The following CTNND2 variants were observed in gnomAD, a reference collection of about 807,000 sequenced individuals.
CTNND2 encodes the protein catenin delta-2.
Under a neutral mutation model 144.4 loss-of-function variants are expected in CTNND2, and 22 were observed. The ratio of observed to expected loss-of-function variants is 0.15; its 90% CI spans 0.11 to 0.22. The LOEUF is 0.22. Among genes scored for constraint, CTNND2 ranks in the 10% least tolerant of loss-of-function variants. The pLI is 1.00. For missense variants in CTNND2, 1,353 were observed against 1,618.8 expected (o/e 0.84, Z 2.82); for synonymous variants, 751 against 695.6 (o/e 1.08, Z -1.25).
intron 1 of CTNND2, among the ~76,000 whole-genome samples, chr5:11,832,411 C>G (rs376295242): frequency 1.1e-3 from 167 of 152,040 alleles, no homozygotes; most frequent in African/African-American, 3.9e-3. Flanking sequence ...AGACTTGTAT[C>G]CAGGAGCTAG....
chr5:11,441,405 T>C (rs913179787), intron 3 of CTNND2, among the ~76,000 whole-genome samples: 1 of 145,418 alleles, frequency 6.9e-6, no homozygotes, highest in African/African-American at 2.6e-5. Context: ...TAAAGACAGA[T>C]TCTCACTTTG....
intron 3 of CTNND2, among the ~76,000 whole-genome samples, chr5:11,436,560 G>T (rs1763794554): frequency 6.6e-6 from 1 of 152,144 alleles, no homozygotes; most frequent in Non-Finnish European, 1.5e-5. Context: ...TCCGCAAACT[G>T]CCATGGTTAG....
intron 1 of CTNND2, among the ~76,000 whole-genome samples, chr5:11,875,755 C>A (rs1042734511): frequency 7.2e-5 from 11 of 152,148 alleles, no homozygotes; most frequent in African/African-American, 2.2e-4. Flanking sequence ...GTTTATAAGT[C>A]ACCCAGACTA....
intron 1 of CTNND2, among the ~76,000 whole-genome samples, chr5:11,744,654 G>T (rs1788201190): frequency 6.6e-6 from 1 of 151,256 alleles, no homozygotes; most frequent in Admixed American, 6.6e-5. Context: ...GCTGTTGGTA[G>T]ATCCTTGAAG....
chr5:11,788,608 C>T (rs1054472427), intron 1 of CTNND2, among the ~76,000 whole-genome samples: 3 of 152,126 alleles, frequency 2.0e-5, no homozygotes, highest in Non-Finnish European at 4.4e-5. Flanking sequence ...GTTTTAAGAG[C>T]TTAGTGATGC....
intron 6 of CTNND2, among the ~76,000 whole-genome samples, chr5:11,393,228 T>TA (rs1357741803): frequency 2.0e-5 from 3 of 152,254 alleles, no homozygotes; most frequent in African/African-American, 7.2e-5. Context: ...CTAGAACACT[T>TA]ACCACTGTTC....
intron 3 of CTNND2, among the ~76,000 whole-genome samples, chr5:11,466,442 A>C (rs1305494746): frequency 6.6e-6 from 1 of 152,224 alleles, no homozygotes; most frequent in Non-Finnish European, 1.5e-5. Flanking sequence ...CTTTGAAAAA[A>C]ATGAAAAATA....
intron 3 of CTNND2, among the ~76,000 whole-genome samples, chr5:11,494,434 A>AT (rs1769741860): frequency 6.6e-6 from 1 of 152,176 alleles, no homozygotes; most frequent in Admixed American, 6.5e-5. Flanking sequence ...CTATTATAAT[A>AT]TGGCTCAAGT....
At chr5:11,575,860 A>G (rs1396960879) in intron 2 of CTNND2, among the ~76,000 whole-genome samples, 1 of 151,858 alleles carries the variant, frequency 6.6e-6, no homozygotes, top group Non-Finnish European at 1.5e-5. Flanking sequence ...TGTGATTCTT[A>G]TACTTTCTCT....
At chr5:11,482,920 G>C (rs1432427637) in intron 3 of CTNND2, among the ~76,000 whole-genome samples, 2 of 152,078 alleles carry the variant, frequency 1.3e-5, no homozygotes, top group Admixed American at 6.6e-5. Context: ...GCAGGCAAAG[G>C]GGAGGAGAAA....
intron 18 of CTNND2, among the ~76,000 whole-genome samples, chr5:11,010,137 T>A (rs1935000483): frequency 6.6e-6 from 1 of 152,214 alleles, no homozygotes; most frequent in African/African-American, 2.4e-5. Flanking sequence ...TGGCTGAAAG[T>A]CCTTATGTTC....
At chr5:11,452,574 G>A (rs1211735301) in intron 3 of CTNND2, among the ~76,000 whole-genome samples, 1 of 152,082 alleles carries the variant, frequency 6.6e-6, no homozygotes, top group Non-Finnish European at 1.5e-5. Context: ...ACCTCACAAT[G>A]TTTGATTTAT....
At position 11,159,730 on chromosome 5, in the gene CTNND2, C is replaced by T. The variant is rs1758581343; in HGVS notation, c.2005G>A (p.Ala669Thr). ...TCCTGGATGATTGGCATTTTGAGTGCATCGCATGAGGAGAGGTTCCAAAGG... is the reference window on the plus strand; with the variant it reads ...TCCTGGATGATTGGCATTTTGAGTGTATCGCATGAGGAGAGGTTCCAAAGG... The part of the protein sequence containing the change: ...GVLWNLSSCD[A>T]LKMPIIQDAL... The change falls in exon 12 of 22, where the codon GCA becomes ACA. Residue 669 changes from alanine (A) to threonine (T), a missense_variant. By Grantham distance (58) the Ala-to-Thr change is moderately conservative. Transcript: ENST00000304623. 1.9e-6 allele frequency: 3 copies of T among 1,605,114 alleles called. No homozygotes were observed. Among genetic ancestry groups the T allele is most frequent in the Non-Finnish European group, 2.6e-6 (3 of 1,175,822 alleles).
At chr5:11,558,224 G>C (rs1416825233) in intron 3 of CTNND2, among the ~76,000 whole-genome samples, 6 of 152,176 alleles carry the variant, frequency 3.9e-5, no homozygotes, top group Non-Finnish European at 8.8e-5. Flanking sequence ...GTACCATCTT[G>C]GTGCAGGGGA....
chr5:11,102,558 ACTTTT>A (rs1366547226), intron 14 of CTNND2, among the ~76,000 whole-genome samples: 1 of 152,222 alleles, frequency 6.6e-6, no homozygotes, highest in African/African-American at 2.4e-5. Flanking sequence ...ATGTATCAGC[ACTTTT>A]CTTTACTGGC....
intron 1 of CTNND2, among the ~76,000 whole-genome samples, chr5:11,818,663 C>A (rs529068582): frequency 3.0e-4 from 46 of 152,234 alleles, no homozygotes; most frequent in African/African-American, 1.1e-3. Flanking sequence ...CCACCGCCCA[C>A]GGCCCTGTAT....
intron 1 of CTNND2, among the ~76,000 whole-genome samples, chr5:11,901,864 G>A (rs754814704): frequency 2.4e-4 from 36 of 152,060 alleles, no homozygotes; most frequent in Non-Finnish European, 3.7e-4. Flanking sequence ...TGAAACACTA[G>A]GCTCAAAAGG....
intron 2 of CTNND2, among the ~76,000 whole-genome samples, chr5:11,718,618 T>A (rs1786486427): frequency 6.6e-6 from 1 of 151,078 alleles, no homozygotes; most frequent in Non-Finnish European, 1.5e-5. Context: ...TTTTCTTTTT[T>A]TACAAAAAAA....
At chr5:11,640,567 C>T (rs1453752375) in intron 2 of CTNND2, among the ~76,000 whole-genome samples, 4 of 152,134 alleles carry the variant, frequency 2.6e-5, no homozygotes, top group African/African-American at 9.7e-5. Flanking sequence ...AGTAAGACAA[C>T]GGGACTGGTG....
Sources: gnomAD v4.1 joint callset for allele counts (sites outside exome capture counted in the v4.1 genomes callset) on GRCh38, gnomAD v4.1.1 for gene constraint, MANE v1.5 for transcripts, NCBI Gene and HGNC (gene_info 2026-07-23, HGNC 2026-07-21) for gene names.